Variants in ZFAT observed in about 807,000 individuals in gnomAD.
The protein encoded by ZFAT is zinc finger and AT-hook domain containing.
In ZFAT, 64 loss-of-function variants were observed where a neutral mutation model predicts 117.7. The ratio of observed to expected loss-of-function variants is 0.54; its 90% CI spans 0.44 to 0.67. The LOEUF is 0.67. Ranked by LOEUF, ZFAT falls within the 30% of genes least tolerant of loss-of-function variation. ZFAT has a pLI of 0.00. For synonymous variants in ZFAT, 679 were observed against 615.0 expected, an observed-to-expected ratio of 1.10 and a Z score of -1.54; for missense variants, 1,433 against 1,584.5, an observed-to-expected ratio of 0.90 and a Z score of 1.62.
intron 10 of ZFAT, among the ~76,000 whole-genome samples, chr8:134,569,766 C>T (rs1824746061): frequency 6.6e-6 from 1 of 152,106 alleles, no homozygotes; most frequent in Non-Finnish European, 1.5e-5. Flanking sequence ...AGTGCAGTGC[C>T]CTCCAGACCT....
At chr8:134,797,935 T>C in the ZFAT span, 1 of 151,848 alleles carries the variant, frequency 6.6e-6, no homozygotes, top group Non-Finnish European at 1.5e-5. Flanking sequence ...AAGAGGTTAG[T>C]TGATTATAAT....
chr8:134,801,915 T>C, the ZFAT span, among the ~76,000 whole-genome samples: 2 of 152,330 alleles, frequency 1.3e-5, no homozygotes, highest in South Asian at 4.1e-4. Flanking sequence ...GCATCAGCAG[T>C]ACTTGGGAAC....
At chr8:134,780,005 C>G in the ZFAT span, among the ~76,000 whole-genome samples, 1 of 152,156 alleles carries the variant, frequency 6.6e-6, no homozygotes, top group East Asian at 1.9e-4. Context: ...CCATCTCCCT[C>G]CCTCCAATAC....
chr8:134,610,536 T>C lies in ZFAT; in HGVS notation c.568A>G (p.Arg190Gly), dbSNP rs2130969779. 6.8e-6 allele frequency: 11 copies of C among 1,614,232 alleles called. No homozygotes were observed. Among genetic ancestry groups the C allele is most frequent in the South Asian group, 1.1e-5 (1 of 91,090 alleles). ...GGTTTCTTCGCCCCAGAAAGCTGTCTGGCCTCCTTTCCTGAGATCTTCTGG... is the reference window on the plus strand; with the variant it reads ...GGTTTCTTCGCCCCAGAAAGCTGTCCGGCCTCCTTTCCTGAGATCTTCTGG... ...KVQKISGKEA[R>G]QLSGAKKPII... The change falls in exon 4 of 16, where the codon AGA becomes GGA. Residue 190 changes from arginine to glycine, a missense_variant. Physicochemically the swap from Arg to Gly is moderately radical, Grantham distance 125 (BLOSUM62 -2). Around this residue, in one of 5 missense-constraint regions of ZFAT, gnomAD observed 436 missense variants for 482.0 expected, o/e 0.90. Transcript: ENST00000377838.
At chr8:134,652,808 T>G (rs990851496) in intron 2 of ZFAT, among the ~76,000 whole-genome samples, 5 of 152,180 alleles carry the variant, frequency 3.3e-5, no homozygotes, top group Non-Finnish European at 7.3e-5. Context: ...ACAGAAGATC[T>G]TAGATCCTAG....
At chr8:134,779,616 C>T in the ZFAT span, among the ~76,000 whole-genome samples, 1 of 152,088 alleles carries the variant, frequency 6.6e-6, no homozygotes, top group East Asian at 1.9e-4. Context: ...CAAAGTCTGG[C>T]TACAAGAATG....
intron 7 of ZFAT, among the ~76,000 whole-genome samples, chr8:134,597,209 G>A (rs927480203): frequency 2.7e-5 from 4 of 150,516 alleles, no homozygotes; most frequent in South Asian, 2.1e-4. Flanking sequence ...TTTGTACTGC[G>A]TCAACATTTT....
At chr8:134,581,192 C>T (rs1197935730) in intron 10 of ZFAT, among the ~76,000 whole-genome samples, 2 of 152,026 alleles carry the variant, frequency 1.3e-5, no homozygotes, top group Admixed American at 1.3e-4. Flanking sequence ...ATTAAAGCTA[C>T]ATCCTAGATC....
intron 1 of ZFAT, among the ~76,000 whole-genome samples, chr8:134,669,091 A>G (rs1216073189): frequency 2.0e-5 from 3 of 152,222 alleles, no homozygotes; most frequent in African/African-American, 7.2e-5. Flanking sequence ...TCCAAGAAAT[A>G]TGGGACTATG....
At chr8:134,554,243 G>T (rs1823399168) in intron 11 of ZFAT, among the ~76,000 whole-genome samples, 1 of 152,178 alleles carries the variant, frequency 6.6e-6, no homozygotes, top group Non-Finnish European at 1.5e-5. Flanking sequence ...GACACTGACA[G>T]GCACTGTCAG....
chr8:134,785,375 T>A, the ZFAT span: 1 of 152,170 alleles, frequency 6.6e-6, no homozygotes, highest in Non-Finnish European at 1.5e-5. Flanking sequence ...TTTAATATAG[T>A]CAGATGTGTG....
At chr8:134,811,829 C>T in the ZFAT span, among the ~76,000 whole-genome samples, 1 of 152,148 alleles carries the variant, frequency 6.6e-6, no homozygotes, top group African/African-American at 2.4e-5. Flanking sequence ...AGTGGCTTTA[C>T]TTTTCTGTGG....
At chr8:134,670,535 A>C (rs1381298669) in intron 1 of ZFAT, among the ~76,000 whole-genome samples, 7 of 152,272 alleles carry the variant, frequency 4.6e-5, no homozygotes, top group Non-Finnish European at 1.0e-4. Flanking sequence ...GCAGAAATAA[A>C]GATGTTCTTT....
At chr8:134,727,323 T>G in the ZFAT span, among the ~76,000 whole-genome samples, 1 of 151,958 alleles carries the variant, frequency 6.6e-6, no homozygotes, top group Non-Finnish European at 1.5e-5. Context: ...ATGGAGGAAG[T>G]GGCTGGTGCA....
intron 11 of ZFAT, among the ~76,000 whole-genome samples, chr8:134,557,180 T>G (rs1466142694): frequency 1.3e-5 from 2 of 149,908 alleles, no homozygotes; most frequent in African/African-American, 2.5e-5. Context: ...AAAGATAAGT[T>G]AAGGTCTACA....
chr8:134,696,027 T>C (rs1029152880), intron 1 of ZFAT, among the ~76,000 whole-genome samples: 1 of 144,176 alleles, frequency 6.9e-6, no homozygotes, highest in African/African-American at 2.6e-5. Context: ...ACCCAGGTCT[T>C]TAACCAAGGA....
chr8:134,656,487 A>T (rs145402855), intron 2 of ZFAT, among the ~76,000 whole-genome samples: 2 of 152,320 alleles, frequency 1.3e-5, no homozygotes, highest in Admixed American at 6.5e-5. Context: ...TGCCACTAAC[A>T]GTAACTCTCA....
chr8:134,489,825 A>T (rs1312871596), intron 15 of ZFAT, among the ~76,000 whole-genome samples: 1 of 152,206 alleles, frequency 6.6e-6, no homozygotes, highest in South Asian at 2.1e-4. Flanking sequence ...AGTCATTTCC[A>T]AGTTAACAAA....
the ZFAT span, among the ~76,000 whole-genome samples, chr8:134,769,834 T>C: frequency 6.6e-6 from 1 of 152,232 alleles, no homozygotes; most frequent in African/African-American, 2.4e-5. Flanking sequence ...ACTTCAATTC[T>C]TGACTTCTGT....
Sources: gnomAD v4.1 joint callset for allele counts (sites outside exome capture counted in the v4.1 genomes callset) on GRCh38, gnomAD v4.1.1 for gene constraint, gnomAD v4.1.1 regional missense constraint, MANE v1.5 for transcripts, NCBI Gene and HGNC (gene_info 2026-07-23, HGNC 2026-07-21) for gene names.